Variants in PAM observed in about 807,000 individuals in gnomAD.
PAM encodes the protein peptidyl-glycine alpha-amidating monooxygenase.
Under a neutral mutation model 122.1 loss-of-function variants are expected in PAM, and 72 were observed. The ratio of observed to expected loss-of-function variants is 0.59; its 90% CI spans 0.49 to 0.72. The LOEUF is 0.72. Ranked by LOEUF, PAM falls within the 30% of genes least tolerant of loss-of-function variation. The pLI is 0.00. For synonymous variants in PAM, 389 were observed against 404.4 expected (o/e 0.96, Z 0.46); for missense variants, 1,106 against 1,183.7 (o/e 0.93, Z 0.96).
intron 12 of PAM, among the ~76,000 whole-genome samples, chr5:102,955,269 CTAATA>C (rs892876812): frequency 1.3e-5 from 2 of 151,780 alleles, no homozygotes; most frequent in Non-Finnish European, 2.9e-5. Context: ...ACATATCTTT[CTAATA>C]TAATATATTT....
chr5:102,886,634 T>C (rs1043242475), intron 3 of PAM, among the ~76,000 whole-genome samples: 2 of 152,072 alleles, frequency 1.3e-5, no homozygotes, highest in East Asian at 1.9e-4. Flanking sequence ...ATCACTCTTA[T>C]AGAACCATTA....
rs571155134 is a variant in PAM at position 102,860,606 on chromosome 5, A to T, written c.-373-5217A>T. Among the ~76,000 whole-genome samples the T allele has an allele frequency of 6.6e-5, 10 of 152,138 alleles. No homozygotes were observed. The East Asian group carries it at 1.9e-3, about 29-fold the overall frequency. Reference sequence around the variant, plus strand: ...GAGGCTGAGGTAGGATGATCACCTGAGCCCAGGAGGTAGGGGTTGCAGTGA... The same window carrying T: ...GAGGCTGAGGTAGGATGATCACCTGTGCCCAGGAGGTAGGGGTTGCAGTGA... On this transcript the variant is annotated intron_variant, in intron 1 of 25. Transcript: ENST00000438793.
At chr5:102,926,087 G>T (rs1165604253) in intron 6 of PAM, among the ~76,000 whole-genome samples, 1 of 151,274 alleles carries the variant, frequency 6.6e-6, no homozygotes, top group African/African-American at 2.4e-5. Context: ...ATGGGTTTAT[G>T]TATGTCTTTT....
intron 3 of PAM, among the ~76,000 whole-genome samples, chr5:102,867,946 A>G (rs1468718589): frequency 1.3e-5 from 2 of 152,244 alleles, no homozygotes; most frequent in African/African-American, 4.8e-5. Flanking sequence ...TTTTGAAATA[A>G]TGGCAAAGCT....
chr5:103,020,371 G>A (rs1783228325), intron 23 of PAM, among the ~76,000 whole-genome samples: 1 of 152,096 alleles, frequency 6.6e-6, no homozygotes, highest in African/African-American at 2.4e-5. Context: ...GCAGGTCTAA[G>A]GGAAATGAGA....
At chr5:103,028,020 T>C (rs1785475415) in intron 24 of PAM, among the ~76,000 whole-genome samples, 165 bp from the exon 25 acceptor site, 1 of 152,182 alleles carries the variant, frequency 6.6e-6, no homozygotes, top group East Asian at 1.9e-4. Context: ...CCTTTATGTA[T>C]GTCTCAGAAA....
At chr5:102,820,116 A>T (rs1211187890) in intron 1 of PAM, among the ~76,000 whole-genome samples, 1 of 152,214 alleles carries the variant, frequency 6.6e-6, no homozygotes, top group African/African-American at 2.4e-5. Flanking sequence ...CTTTTCTCCA[A>T]TTAAAATATT....
intron 7 of PAM, among the ~76,000 whole-genome samples, chr5:102,946,407 A>G (rs1391637179): frequency 6.6e-6 from 1 of 152,030 alleles, no homozygotes; most frequent in Non-Finnish European, 1.5e-5. Flanking sequence ...CCTAAAGTGT[A>G]TGAAAACCTA....
Position 102,867,974 on chromosome 5 carries a change from T to G in PAM, c.210+581T>G, listed in dbSNP as rs573571128. The stretch of plus-strand genomic sequence containing the variant: ...GCAAAGCTCATATAAATGTGACTTA[T>G]AGAGCATTTTGTGTAGAACTAGGTT... On this transcript the variant is annotated intron_variant, in intron 3 of 25. Transcript: ENST00000438793. 4.6e-5 allele frequency among the ~76,000 whole-genome samples: 7 copies of G among 152,378 alleles called. No individual in the cohort carries two copies. The East Asian group carries it at 7.7e-4, about 17-fold the overall frequency.
intron 1 of PAM, among the ~76,000 whole-genome samples, chr5:102,777,024 C>T (rs1361305843): frequency 1.3e-5 from 2 of 151,976 alleles, no homozygotes; most frequent in South Asian, 2.1e-4. Context: ...TTTATAATTT[C>T]ACCTTTTTAT....
intron 15 of PAM, among the ~76,000 whole-genome samples, chr5:102,986,588 A>C (rs1408421138): frequency 5.3e-5 from 8 of 152,168 alleles, no homozygotes; most frequent in Non-Finnish European, 1.0e-4. Context: ...TGACACCAAA[A>C]AAATGGAAAA....
At chr5:102,802,395 T>TGAAA (rs1370664709) in intron 1 of PAM, among the ~76,000 whole-genome samples, 1 of 152,128 alleles carries the variant, frequency 6.6e-6, no homozygotes, top group Non-Finnish European at 1.5e-5. Context: ...GACCTTTAAA[T>TGAAA]GAAAGTGAAA....
intron 1 of PAM, among the ~76,000 whole-genome samples, chr5:102,774,752 A>T (rs1011925269): frequency 6.6e-6 from 1 of 152,160 alleles, no homozygotes; most frequent in South Asian, 2.1e-4. Context: ...ACCCATTGTC[A>T]GATATTTTGC....
intron 7 of PAM, among the ~76,000 whole-genome samples, chr5:102,929,729 G>C (rs1411996316): frequency 6.6e-6 from 1 of 152,146 alleles, no homozygotes; most frequent in Non-Finnish European, 1.5e-5. Flanking sequence ...TAGAGTATCT[G>C]AGAGAGTATA....
At chr5:102,842,082 T>A (rs1224015965) in intron 1 of PAM, among the ~76,000 whole-genome samples, 1 of 151,936 alleles carries the variant, frequency 6.6e-6, no homozygotes, top group Non-Finnish European at 1.5e-5. Context: ...CAAAAATGAA[T>A]TAGAACCATA....
At chr5:103,004,946 C>T (rs1018761187) in intron 17 of PAM, among the ~76,000 whole-genome samples, 7 of 152,086 alleles carry the variant, frequency 4.6e-5, no homozygotes, top group Admixed American at 3.3e-4. Flanking sequence ...AATTTTAATA[C>T]TATTAAATAC....
chr5:102,967,917 T>G (rs1056471835), intron 14 of PAM, among the ~76,000 whole-genome samples: 1 of 152,026 alleles, frequency 6.6e-6, no homozygotes, highest in Non-Finnish European at 1.5e-5. Context: ...GAGATGGGGT[T>G]TCACCTTGTT....
intron 1 of PAM, among the ~76,000 whole-genome samples, chr5:102,788,556 C>T (rs1454838084): frequency 6.6e-6 from 1 of 152,016 alleles, no homozygotes; most frequent in Admixed American, 6.6e-5. Context: ...GATGAAATGC[C>T]TTACCTATTT....
intron 1 of PAM, among the ~76,000 whole-genome samples, chr5:102,797,271 C>A (rs1467537622): frequency 1.3e-5 from 2 of 152,134 alleles, no homozygotes; most frequent in East Asian, 3.9e-4. Flanking sequence ...TCATTTCTCT[C>A]ATAATAGACA....
Sources: allele counts gnomAD v4.1 joint callset (sites outside exome capture counted in the v4.1 genomes callset), GRCh38; gene constraint gnomAD v4.1.1; transcripts MANE v1.5; gene names NCBI Gene and HGNC (gene_info 2026-07-23, HGNC 2026-07-21).